Variants in SSX2IP observed in about 807,000 individuals in gnomAD.
SSX2IP encodes the protein afadin- and alpha-actinin-binding protein.
SSX2IP carries 55 observed loss-of-function variants against 84.9 expected under a neutral mutation model. That is an observed-to-expected ratio of 0.65 (90% CI 0.52 to 0.81). The LOEUF (loss-of-function observed/expected upper bound fraction) is 0.81, where lower values mean the gene tolerates loss of function less well. SSX2IP is among the 30% of genes least tolerant of loss of function. SSX2IP has a pLI of 0.00. For synonymous variants in SSX2IP, 239 were observed against 234.7 expected, an observed-to-expected ratio of 1.02 and a Z score of -0.17; for missense variants, 664 against 705.2, an observed-to-expected ratio of 0.94 and a Z score of 0.66.
chr1:84,658,506 C>T (rs2102279656), intron 8 of SSX2IP, 38 bp from the exon 9 acceptor site: 1 of 1,579,674 alleles, frequency 6.3e-7, no homozygotes, highest in Non-Finnish European at 8.6e-7. Context: ...AGGCTAGTAC[C>T]TTACAATGGC....
At chr1:84,671,048 A>T in intron 2 of SSX2IP, 129 bp downstream of exon 2, 1 of 1,160,440 alleles carries the variant, frequency 8.6e-7, no homozygotes, top group East Asian at 2.7e-5. Flanking sequence ...ACATGAAAAT[A>T]AGTATTTTAC....
At chr1:84,673,048 CAATA>C (rs1217337303) in intron 1 of SSX2IP, among the ~76,000 whole-genome samples, 1 of 152,034 alleles carries the variant, frequency 6.6e-6, no homozygotes, top group African/African-American at 2.4e-5. Flanking sequence ...TATATTCATC[CAATA>C]AATACTAATT....
At chr1:84,678,723 C>T (rs2102532568) in intron 1 of SSX2IP, among the ~76,000 whole-genome samples, 1 of 152,350 alleles carries the variant, frequency 6.6e-6, no homozygotes, top group East Asian at 1.9e-4. Flanking sequence ...TCCCATTTGT[C>T]TTGTCCTCTT....
intron 4 of SSX2IP, among the ~76,000 whole-genome samples, chr1:84,667,600 A>G (rs919616535): frequency 1.3e-5 from 2 of 152,076 alleles, no homozygotes; most frequent in Non-Finnish European, 2.9e-5. Flanking sequence ...CTGTTTTTGT[A>G]CAATTCCTTT....
chr1:84,655,118 A>C (rs76957400), intron 11 of SSX2IP, among the ~76,000 whole-genome samples: 26,170 of 152,102 alleles, frequency 0.17, 2,385 homozygotes, highest in Middle Eastern at 0.26. Flanking sequence ...AGAATTCCTT[A>C]TCTTTCATAG....
At chr1:84,654,866 T>C (rs554576346) in intron 11 of SSX2IP, among the ~76,000 whole-genome samples, 1 of 152,192 alleles carries the variant, frequency 6.6e-6, no homozygotes, top group Non-Finnish European at 1.5e-5. Context: ...TGAAAAATAA[T>C]ATCACAAAAA....
rs1211379637 is a variant in SSX2IP at position 84,669,862 on chromosome 1, T to C, written c.245A>G (p.Tyr82Cys). Residue 82 changes from tyrosine (Y) to cysteine (C), a missense_variant, in exon 4 of 14, where the codon TAT (tyrosine) becomes TGT (cysteine). By Grantham distance (194) the Tyr-to-Cys change is radical. Transcript: ENST00000342203. Reference protein sequence around the residue: ...ELTTFGFPSLYEESKGKETKR... With the variant: ...ELTTFGFPSLCEESKGKETKR... ...TGTCTCTTTACCTTTGGATTCTTCA[T>C]ATAATGAAGGAAAACCAAAAGTAGT... is the stretch of plus-strand genomic sequence containing the variant. 1.2e-6 allele frequency: 2 copies of C among 1,613,204 alleles called. No homozygotes were observed. Among genetic ancestry groups the C allele is most frequent in the Non-Finnish European group, 8.5e-7 (1 of 1,179,484 alleles).
chr1:84,675,411 T>C (rs1654188888), intron 1 of SSX2IP, among the ~76,000 whole-genome samples: 1 of 152,188 alleles, frequency 6.6e-6, no homozygotes, highest in African/African-American at 2.4e-5. Flanking sequence ...GAAAGGCAAG[T>C]AAGTCTTGGG....
At chr1:84,667,588 C>A (rs1652944524) in intron 4 of SSX2IP, among the ~76,000 whole-genome samples, 1 of 152,114 alleles carries the variant, frequency 6.6e-6, no homozygotes, top group Non-Finnish European at 1.5e-5. Flanking sequence ...CTCAGTGCTT[C>A]CCTGTTTTTG....
chr1:84,651,932 A>G lies in SSX2IP; in HGVS notation c.1455T>C (p.Phe485=), dbSNP rs1177352842. The change falls in exon 12 of 14, where the codon TTT becomes TTC. Residue 485 remains phenylalanine, a synonymous_variant. Coordinates refer to ENST00000342203, the MANE Select transcript of SSX2IP (RefSeq NM_001166293.2). ...LKQQFLNMTT[F]DHQNSENVKL... is the part of the protein sequence containing the mutation. ...TCACATTTTCTGAGTTCTGGTGGTC[A>G]AAGGTAGTCATATTTAGAAACTGCT... The G allele has an allele frequency of 2.5e-6, 4 of 1,613,988 alleles. No individual in the cohort carries two copies. The highest frequency in any genetic ancestry group is 2.2e-5 in the East Asian group (1 of 44,866).
intron 1 of SSX2IP, among the ~76,000 whole-genome samples, chr1:84,686,038 T>A (rs1183275785): frequency 6.6e-6 from 1 of 152,222 alleles, no homozygotes; most frequent in Non-Finnish European, 1.5e-5. Flanking sequence ...AGAACAATAT[T>A]TCTCTACAAA....
At chr1:84,650,109 TAA>T (rs1207965951) in intron 13 of SSX2IP, 6 of 618,130 alleles carry the variant, frequency 9.7e-6, no homozygotes, top group Non-Finnish European at 1.7e-5. Context: ...AAATGTGAAA[TAA>T]AAAGACACAC....
chr1:84,671,318 C>T lies in SSX2IP; in HGVS notation c.-89-10G>A. ...TCTATGTAGGCATCTCCTTAAAAAG[C>T]AGATTATAGAATAATAGCATCTAAT... On this transcript the variant is annotated splice_polypyrimidine_tract_variant and intron_variant, in intron 1 of 13. Transcript: ENST00000342203. The T allele has an allele frequency of 6.5e-7, 1 of 1,537,286 alleles. No individual in the cohort carries two copies. The highest frequency in any genetic ancestry group is 1.4e-5 in the African/African-American group (1 of 71,684).
intron 8 of SSX2IP, among the ~76,000 whole-genome samples, chr1:84,661,315 G>A (rs576902739): frequency 6.6e-6 from 1 of 151,632 alleles, no homozygotes; most frequent in East Asian, 1.9e-4. Flanking sequence ...TAACTTATAC[G>A]TAAAGCAATT....
chr1:84,669,877 C>T lies in SSX2IP; in HGVS notation c.230G>A (p.Gly77Asp), dbSNP rs1258300969. 6.2e-7 allele frequency: 1 copy of T among 1,612,658 alleles called. No homozygotes were observed. The highest frequency in any genetic ancestry group is 1.7e-5 in the Admixed American group (1 of 59,886). The change falls in exon 4 of 14, where the codon GGT becomes GAT. Residue 77 changes from glycine (G) to aspartate (D), a missense_variant. By Grantham distance (94) the Gly-to-Asp change is moderately conservative (BLOSUM62 -1). Transcript: ENST00000342203. ...GGATTCTTCATATAATGAAGGAAAACCAAAAGTAGTCAATTCCTGGTAGGA... is the reference window on the plus strand; with the variant it reads ...GGATTCTTCATATAATGAAGGAAAATCAAAAGTAGTCAATTCCTGGTAGGA... ...SYLDQELTTFGFPSLYEESKG... is the reference protein window; with the variant it reads ...SYLDQELTTFDFPSLYEESKG...
intron 12 of SSX2IP, 53 bp from the exon 13 acceptor site, chr1:84,650,580 T>A: frequency 6.3e-7 from 1 of 1,585,846 alleles, no homozygotes; most frequent in South Asian, 1.1e-5. Context: ...AGGCATTAAA[T>A]ATAGTGAAGG....
chr1:84,688,593 C>G (rs1570761826), intron 1 of SSX2IP, among the ~76,000 whole-genome samples: 1 of 152,180 alleles, frequency 6.6e-6, no homozygotes, highest in East Asian at 1.9e-4. Flanking sequence ...AGCAGACTGT[C>G]AAGTACTAGG....
intron 4 of SSX2IP, among the ~76,000 whole-genome samples, chr1:84,668,660 T>G (rs1157363952): frequency 7.9e-5 from 12 of 152,140 alleles, no homozygotes. Flanking sequence ...GCCACATCAT[T>G]ACAGCACATT....
chr1:84,675,171 T>C (rs1256470825), intron 1 of SSX2IP, among the ~76,000 whole-genome samples: 1 of 152,184 alleles, frequency 6.6e-6, no homozygotes, highest in Non-Finnish European at 1.5e-5. Flanking sequence ...AAGGACTCCA[T>C]TACAAAGTCA....
Sources: allele counts gnomAD v4.1 joint callset (sites outside exome capture counted in the v4.1 genomes callset), GRCh38; gene constraint gnomAD v4.1.1; transcripts MANE v1.5; gene names NCBI Gene and HGNC (gene_info 2026-07-23, HGNC 2026-07-21).